The following SV2C variants were observed in gnomAD, a reference collection of about 807,000 sequenced individuals.
The protein encoded by SV2C is synaptic vesicle glycoprotein 2C, also known as solute carrier family 22 member B3.
Under a neutral mutation model 79.7 loss-of-function variants are expected in SV2C, and 49 were observed. The observed-to-expected ratio is 0.61, with a 90% confidence interval of 0.49 to 0.78. The LOEUF (loss-of-function observed/expected upper bound fraction) is 0.78, where lower values mean the gene tolerates loss of function less well. Among genes scored for constraint, SV2C ranks in the 30% least tolerant of loss-of-function variants. The pLI, the probability that SV2C is intolerant of heterozygous loss-of-function variation, is 0.00. For synonymous variants in SV2C, 334 were observed against 333.2 expected (o/e 1.00, Z -0.03); for missense variants, 833 against 912.9 (o/e 0.91, Z 1.13).
chr5:75,877,323 C>T, the SV2C span, among the ~76,000 whole-genome samples: 2 of 151,796 alleles, frequency 1.3e-5, no homozygotes, highest in African/African-American at 2.4e-5. Context: ...AATAATTCAA[C>T]AACAATAATT....
At chr5:76,243,050 AAAAG>A (rs1324316619) in intron 4 of SV2C, among the ~76,000 whole-genome samples, 3 of 150,774 alleles carry the variant, frequency 2.0e-5, no homozygotes, top group East Asian at 1.9e-4. Flanking sequence ...AGACAAAAAG[AAAAG>A]AAAGAAAGAA....
chr5:75,914,521 C>T, the SV2C span, among the ~76,000 whole-genome samples: 3 of 152,110 alleles, frequency 2.0e-5, no homozygotes, highest in African/African-American at 7.2e-5. Flanking sequence ...TTCAGCCTCC[C>T]ACAAGTGTTA....
At chr5:76,015,920 A>C in the SV2C span, among the ~76,000 whole-genome samples, 1 of 152,010 alleles carries the variant, frequency 6.6e-6, no homozygotes, top group Non-Finnish European at 1.5e-5. Flanking sequence ...TTTATCTTTG[A>C]TATATAAGAC....
At chr5:75,971,224 A>C in the SV2C span, among the ~76,000 whole-genome samples, 2 of 152,088 alleles carry the variant, frequency 1.3e-5, no homozygotes, top group Non-Finnish European at 2.9e-5. Context: ...TATCATACTG[A>C]ATGGACAAAA....
chr5:76,221,660 T>A (rs542966618), intron 4 of SV2C, among the ~76,000 whole-genome samples: 234 of 152,202 alleles, frequency 1.5e-3, no homozygotes, highest in African/African-American at 5.5e-3. Flanking sequence ...AGAATGTAGA[T>A]ACAGGGGTCT....
chr5:75,885,963 C>A, the SV2C span, among the ~76,000 whole-genome samples: 3 of 152,116 alleles, frequency 2.0e-5, no homozygotes. Flanking sequence ...CAAACAAAAG[C>A]CTCACTCAGT....
downstream of SV2C, among the ~76,000 whole-genome samples, chr5:76,335,498 A>G (rs1279234810): frequency 2.1e-5 from 3 of 139,620 alleles, no homozygotes; most frequent in East Asian, 6.4e-4. Flanking sequence ...ATAGGACAAT[A>G]GTGGAGGGAA....
At chr5:76,151,595 C>G (rs1183962235) in intron 2 of SV2C, among the ~76,000 whole-genome samples, 1 of 152,152 alleles carries the variant, frequency 6.6e-6, no homozygotes. Flanking sequence ...CCTTAACAAC[C>G]ATGAGCTATG....
At chr5:76,173,178 A>G (rs576520158) in intron 2 of SV2C, among the ~76,000 whole-genome samples, 1 of 149,866 alleles carries the variant, frequency 6.7e-6, no homozygotes, top group Non-Finnish European at 1.5e-5. Context: ...AGCTACAAGT[A>G]TCAAAGAAGC....
chr5:76,027,135 C>T, the SV2C span, among the ~76,000 whole-genome samples: 2 of 143,518 alleles, frequency 1.4e-5, no homozygotes, highest in East Asian at 4.2e-4. Flanking sequence ...GATCTTAGCT[C>T]ACTGCAACCT....
the SV2C span, chr5:75,911,331 A>G: frequency 7.4e-7 from 1 of 1,344,880 alleles, no homozygotes; most frequent in Non-Finnish European, 1.1e-6. Context: ...CTGCCACAGA[A>G]GTAGTCCTCC....
At chr5:75,888,566 G>C in the SV2C span, among the ~76,000 whole-genome samples, 1 of 151,918 alleles carries the variant, frequency 6.6e-6, no homozygotes, top group Non-Finnish European at 1.5e-5. Flanking sequence ...CTGCCACATG[G>C]CTGTCTCATT....
chr5:75,917,335 T>C, the SV2C span, among the ~76,000 whole-genome samples: 1 of 152,262 alleles, frequency 6.6e-6, no homozygotes, highest in Non-Finnish European at 1.5e-5. Context: ...CTTCTCTGCC[T>C]GTATATAACT....
chr5:76,002,284 A>C, the SV2C span, among the ~76,000 whole-genome samples: 9 of 152,106 alleles, frequency 5.9e-5, no homozygotes, highest in Non-Finnish European at 8.8e-5. Context: ...ATGTGTGTGC[A>C]TGTGTCTTTT....
intron 2 of SV2C, among the ~76,000 whole-genome samples, chr5:76,175,796 CTGTT>C (rs1390883841): frequency 1.3e-5 from 2 of 152,140 alleles, no homozygotes; most frequent in Admixed American, 6.5e-5. Flanking sequence ...AAGTCAGAGT[CTGTT>C]TGGGAAAGCC....
At chr5:76,239,345 C>T (rs969837474) in intron 4 of SV2C, among the ~76,000 whole-genome samples, 1 of 152,186 alleles carries the variant, frequency 6.6e-6, no homozygotes, top group Admixed American at 6.5e-5. Context: ...AAGGAGATAG[C>T]AGAGCAAATA....
At chr5:75,917,664 C>T in the SV2C span, among the ~76,000 whole-genome samples, 2 of 151,968 alleles carry the variant, frequency 1.3e-5, no homozygotes, top group Admixed American at 6.6e-5. Flanking sequence ...TTACCAGAGG[C>T]TAGGAAGGGT....
upstream of SV2C, chr5:76,078,611 CT>C: frequency 2.6e-6 from 1 of 388,660 alleles, no homozygotes; most frequent in Non-Finnish European, 5.0e-6. Flanking sequence ...CCCCTACCCC[CT>C]GGCTCCCACA....
the SV2C span, among the ~76,000 whole-genome samples, chr5:75,886,590 T>G: frequency 6.6e-6 from 1 of 152,168 alleles, no homozygotes; most frequent in Non-Finnish European, 1.5e-5. Flanking sequence ...ATTCTGGCTT[T>G]AAGCAGATAT....
Sources: allele counts gnomAD v4.1 joint callset (sites outside exome capture counted in the v4.1 genomes callset), GRCh38; gene constraint gnomAD v4.1.1; transcripts MANE v1.5; gene names NCBI Gene and HGNC (gene_info 2026-07-23, HGNC 2026-07-21).